Variants in SCML4 observed in about 807,000 individuals in gnomAD.
The protein encoded by SCML4 is sex comb on midleg-like protein 4.
SCML4 carries 34 observed loss-of-function variants against 41.1 expected under a neutral mutation model. That is an observed-to-expected ratio of 0.83 (90% CI 0.63 to 1.10). The LOEUF (loss-of-function observed/expected upper bound fraction) is 1.10. Among genes scored for constraint, SCML4 ranks in the 50% least tolerant of loss-of-function variants. The pLI is 0.00. For missense variants in SCML4, 522 were observed against 534.1 expected (o/e 0.98, Z 0.22); for synonymous variants, 214 against 220.9 (o/e 0.97, Z 0.28).
intron 1 of SCML4, among the ~76,000 whole-genome samples, chr6:107,817,438 G>A (rs920411108): frequency 6.6e-6 from 1 of 151,968 alleles, no homozygotes; most frequent in Non-Finnish European, 1.5e-5. Context: ...GCAACATGGT[G>A]AAACCCTGTC....
chr6:107,827,230 AT>A (rs1235904404), upstream of SCML4, among the ~76,000 whole-genome samples: 3 of 146,984 alleles, frequency 2.0e-5, no homozygotes, highest in African/African-American at 2.5e-5. Flanking sequence ...ATATCTTTAT[AT>A]TTTTATTTAA....
intron 2 of SCML4, among the ~76,000 whole-genome samples, chr6:107,758,200 G>A (rs1451545587): frequency 1.3e-5 from 2 of 152,214 alleles, no homozygotes; most frequent in Non-Finnish European, 2.9e-5. Context: ...CAAGCAACTA[G>A]GTGACCAGGG....
chr6:107,742,812 T>C (rs985424769), intron 5 of SCML4, among the ~76,000 whole-genome samples: 1 of 85,174 alleles, frequency 1.2e-5, no homozygotes, highest in East Asian at 3.8e-4. Context: ...AGTTTTTCAA[T>C]GTGAAAGAAA....
At chr6:107,844,233 T>C in the SCML4 span, among the ~76,000 whole-genome samples, 1 of 152,184 alleles carries the variant, frequency 6.6e-6, no homozygotes, top group Non-Finnish European at 1.5e-5. Context: ...GCAAGAAAAC[T>C]CGATGGGATA....
the SCML4 span, among the ~76,000 whole-genome samples, chr6:107,841,054 A>G: frequency 6.6e-6 from 1 of 152,036 alleles, no homozygotes; most frequent in Non-Finnish European, 1.5e-5. Context: ...TACCTGCTCA[A>G]TCCCCAAACA....
chr6:107,785,422 TAGAC>T (rs1289962410), intron 1 of SCML4, among the ~76,000 whole-genome samples: 1 of 152,202 alleles, frequency 6.6e-6, no homozygotes, highest in East Asian at 1.9e-4. Context: ...GCTGTGCCCT[TAGAC>T]AGGGTGAGGC....
intron 1 of SCML4, among the ~76,000 whole-genome samples, chr6:107,786,230 T>C (rs541000078): frequency 2.2e-4 from 34 of 152,258 alleles, no homozygotes; most frequent in Admixed American, 5.9e-4. Flanking sequence ...CCCCCACTCA[T>C]GGTTTTGTCT....
chr6:107,798,898 G>T (rs9486711), intron 1 of SCML4, among the ~76,000 whole-genome samples: 8,560 of 152,018 alleles, frequency 0.056, 707 homozygotes, highest in African/African-American at 0.18. Flanking sequence ...CATATTTGGG[G>T]TTTTCCTGAC....
At chr6:107,778,307 C>G (rs1781199492) in intron 1 of SCML4, among the ~76,000 whole-genome samples, 1 of 140,634 alleles carries the variant, frequency 7.1e-6, no homozygotes, top group East Asian at 2.0e-4. Context: ...TATGAAACCT[C>G]TGAATTTTTC....
intron 5 of SCML4, among the ~76,000 whole-genome samples, chr6:107,738,259 G>A (rs118164071): frequency 1.3e-5 from 2 of 152,166 alleles, no homozygotes; most frequent in Non-Finnish European, 2.9e-5. Flanking sequence ...AAATAACTAA[G>A]TTCCTGGTCT....
chr6:107,757,865 A>G (rs1049252108), intron 2 of SCML4, among the ~76,000 whole-genome samples: 3 of 152,170 alleles, frequency 2.0e-5, no homozygotes, highest in African/African-American at 7.2e-5. Context: ...GAACCCATCT[A>G]CATTTTCCAT....
intron 1 of SCML4, among the ~76,000 whole-genome samples, chr6:107,820,768 A>T (rs1784891168): frequency 6.6e-6 from 1 of 152,246 alleles, no homozygotes; most frequent in African/African-American, 2.4e-5. Flanking sequence ...GATTTACAGC[A>T]GAGACTCTAG....
rs1053921556 is a variant in SCML4 at position 107,704,666 on chromosome 6, T to C, written c.*534A>G. ...AAAAGATTTTTTTTTTTTTCCTTTT[T>C]CTTTCACGGCGTAAAATAATTCAAG... On this transcript the variant is annotated 3_prime_UTR_variant, in exon 8 of 8. Coordinates refer to ENST00000369020, the MANE Select transcript of SCML4 (RefSeq NM_198081.5). 1 of 154,050 alleles carries C rather than the reference T, an allele frequency of 6.5e-6. No individual in the cohort carries two copies. Among genetic ancestry groups the C allele is most frequent in the African/African-American group, 2.4e-5 (1 of 41,440 alleles). 9.5% of individuals were successfully genotyped at this position (154,050 alleles called of 1,614,324 possible). A position where few individuals can be genotyped will look rare whatever the true frequency, so the allele number is the denominator to read the frequency against.
At chr6:107,824,336 G>A (rs1562295455), upstream of SCML4, 1 of 152,156 alleles carries the variant, frequency 6.6e-6, no homozygotes, top group Non-Finnish European at 1.5e-5. Context: ...CAGAAAACTC[G>A]ATTTACCATA....
upstream of SCML4, among the ~76,000 whole-genome samples, chr6:107,828,314 C>T (rs945098158): frequency 2.0e-5 from 3 of 152,160 alleles, no homozygotes; most frequent in African/African-American, 7.2e-5. Context: ...TAACACGGGA[C>T]AAGGAAATAA....
At chr6:107,740,167 A>T (rs1477791547) in intron 5 of SCML4, 2 of 470,918 alleles carry the variant, frequency 4.2e-6, no homozygotes, top group South Asian at 3.1e-5. Context: ...CTGGAATAAG[A>T]TGTTAAAAGG....
intron 5 of SCML4, among the ~76,000 whole-genome samples, chr6:107,739,617 A>G (rs1055300961): frequency 7.2e-5 from 11 of 152,124 alleles, no homozygotes; most frequent in Non-Finnish European, 1.5e-5. Flanking sequence ...TTCGGGAACA[A>G]TGTGGTCCTA....
chr6:107,836,758 C>CA, the SCML4 span, among the ~76,000 whole-genome samples: 100 of 150,924 alleles, frequency 6.6e-4, no homozygotes, highest in African/African-American at 1.7e-3. Context: ...TCCCATTTCT[C>CA]AAAAAAAAAG....
chr6:107,708,679 C>T (rs547285112), intron 6 of SCML4, among the ~76,000 whole-genome samples: 9 of 152,258 alleles, frequency 5.9e-5, no homozygotes, highest in South Asian at 2.1e-4. Flanking sequence ...AGAGCATTTG[C>T]CCGGGTCTCC....
Sources: gnomAD v4.1 joint callset for allele counts (sites outside exome capture counted in the v4.1 genomes callset) on GRCh38, gnomAD v4.1.1 for gene constraint, MANE v1.5 for transcripts, NCBI Gene and HGNC (gene_info 2026-07-23, HGNC 2026-07-21) for gene names.